CCDC88C: variants seen among roughly 807,000 people sequenced by gnomAD.
CCDC88C encodes protein Daple.
In CCDC88C, 131 loss-of-function variants were observed where a neutral mutation model predicts 198.8. The ratio of observed to expected loss-of-function variants is 0.66; its 90% CI spans 0.57 to 0.76. The LOEUF (loss-of-function observed/expected upper bound fraction) is 0.76. Ranked by LOEUF, CCDC88C falls within the 30% of genes least tolerant of loss-of-function variation. The pLI is 0.00. For synonymous variants in CCDC88C, 1,166 were observed against 1,114.7 expected (o/e 1.05, Z -0.92); for missense variants, 2,553 against 2,631.6 (o/e 0.97, Z 0.65).
chr14:91,330,411 G>C (rs1892769304), intron 10 of CCDC88C, among the ~76,000 whole-genome samples: 1 of 152,316 alleles, frequency 6.6e-6, no homozygotes, highest in South Asian at 2.1e-4. Context: ...AGGAGCCATG[G>C]AGAGTGGCTG....
chr14:91,293,406 G>T (rs1890797465), intron 23 of CCDC88C, among the ~76,000 whole-genome samples: 1 of 7,316 alleles, frequency 1.4e-4, no homozygotes, highest in Non-Finnish European at 2.2e-4. Flanking sequence ...CCACCTTCCT[G>T]CCCCCTCACC....
intron 3 of CCDC88C, among the ~76,000 whole-genome samples, chr14:91,372,451 C>T (rs192189986): frequency 0.015 from 2,164 of 146,354 alleles, 16 homozygotes; most frequent in Non-Finnish European, 0.022. Flanking sequence ...TCCAGAAAAG[C>T]TCCAAGAAGG....
At chr14:91,357,945 C>T (rs925651421) in intron 4 of CCDC88C, among the ~76,000 whole-genome samples, 74 of 152,212 alleles carry the variant, frequency 4.9e-4, no homozygotes, top group African/African-American at 1.5e-3. Flanking sequence ...CGCTTGCTGC[C>T]GGGGGCCACC....
Position 91,416,836 on chromosome 14 carries a change from C to T in CCDC88C, c.63G>A (p.Val21=). ...LFLQSPLVTW[V]KTFGPFGSGS... ...CGCTTCCAAACGGGCCAAAAGTTTT[C>T]ACCTGCGGGGAGGGGGACGAGGAGA... is the stretch of plus-strand genomic sequence containing the variant. Residue 21 remains valine, a splice_region_variant and synonymous_variant, in exon 2 of 30, where the codon GTG becomes GTA. Coordinates refer to ENST00000389857, the MANE Select transcript of CCDC88C (RefSeq NM_001080414.4). 1 of 1,611,016 alleles carries T rather than the reference C, an allele frequency of 6.2e-7. No homozygotes were observed. Among genetic ancestry groups the T allele is most frequent in the Non-Finnish European group, 8.5e-7 (1 of 1,177,974 alleles).
rs566637072 is a variant in CCDC88C at position 91,310,897 on chromosome 14, A to G, written c.2737-911T>C. On this transcript the variant is annotated intron_variant, in intron 15 of 29. Transcript: ENST00000389857. Reference sequence around the variant, plus strand: ...AGACCTGAACGGCACTGTGACAGAGACAGTGATGCTCATTACCTGCTCCCC... The same window carrying G: ...AGACCTGAACGGCACTGTGACAGAGGCAGTGATGCTCATTACCTGCTCCCC... 7.9e-5 allele frequency among the ~76,000 whole-genome samples: 12 copies of G among 152,270 alleles called. No individual in the cohort carries two copies. The East Asian group carries it at 2.3e-3, about 29-fold the overall frequency.
chr14:91,278,459 G>T (rs1459113942), intron 28 of CCDC88C, among the ~76,000 whole-genome samples: 8 of 152,238 alleles, frequency 5.3e-5, no homozygotes, highest in Non-Finnish European at 1.0e-4. Context: ...ATTACTGGCT[G>T]TAAGGCACTG....
chr14:91,357,990 T>A (rs1894119618), intron 4 of CCDC88C, among the ~76,000 whole-genome samples: 2 of 152,174 alleles, frequency 1.3e-5, no homozygotes, highest in African/African-American at 2.4e-5. Context: ...AGGGTCTCCA[T>A]GTAAGGCGGT....
intron 3 of CCDC88C, among the ~76,000 whole-genome samples, chr14:91,393,382 G>T (rs1885646793): frequency 6.6e-6 from 1 of 152,200 alleles, no homozygotes. Context: ...TGAGGCAGAG[G>T]CAACCTGAGC....
chr14:91,290,906 G>T, intron 24 of CCDC88C, 89 bp downstream of exon 24: 1 of 766,168 alleles, frequency 1.3e-6, no homozygotes. Flanking sequence ...ATGGTGCGGG[G>T]CCTGCCCTAG....
chr14:91,307,677 G>A (rs564849829), intron 17 of CCDC88C, among the ~76,000 whole-genome samples: 6 of 152,362 alleles, frequency 3.9e-5, no homozygotes, highest in African/African-American at 1.2e-4. Context: ...GGAAGAGTGC[G>A]TGTGTGGAAG....
chr14:91,385,126 T>C (rs1273972550), intron 3 of CCDC88C, among the ~76,000 whole-genome samples: 1 of 152,076 alleles, frequency 6.6e-6, no homozygotes, highest in African/African-American at 2.4e-5. Context: ...GTAGTTTTAC[T>C]TTGAGGTTTG....
Position 91,400,914 on chromosome 14 carries a change from G to A in CCDC88C, c.270+7745C>T, listed in dbSNP as rs562801110. ...TAAGAACATTTGTTGAATGACTTAT[G>A]TACCAAGTATGTTCACAGTGGTATG... On this transcript the variant is annotated intron_variant, in intron 3 of 29. Transcript: ENST00000389857. 5.8e-4 allele frequency among the ~76,000 whole-genome samples: 89 copies of A among 152,206 alleles called. 1 individual carries two copies. In the South Asian group the frequency reaches 0.017, roughly 29 times the overall value.
At chr14:91,372,389 G>C (rs921771690) in intron 3 of CCDC88C, among the ~76,000 whole-genome samples, 5 of 151,912 alleles carry the variant, frequency 3.3e-5, no homozygotes, top group Admixed American at 3.3e-4. Context: ...CCCTAACAGA[G>C]GGATGGCAGG....
At position 91,388,459 on chromosome 14, in the gene CCDC88C, C is replaced by T. The variant is rs75959185; in HGVS notation, c.270+20200G>A. Among the ~76,000 whole-genome samples the T allele has an allele frequency of 1.0e-2, 1,515 of 152,230 alleles. 32 individuals are homozygous for T. Among genetic ancestry groups the T allele is most frequent in the African/African-American group, 0.035 (1,459 of 41,526 alleles). On this transcript the variant is annotated intron_variant, in intron 3 of 29. Transcript: ENST00000389857. The stretch of plus-strand genomic sequence containing the variant: ...CAAGGCCCAGGCAGGTACCAGGTAG[C>T]GCCTGTTCTGGAAACGTCCAGGGCT...
At chr14:91,328,277 A>T (rs938368712) in intron 10 of CCDC88C, among the ~76,000 whole-genome samples, 8 of 152,204 alleles carry the variant, frequency 5.3e-5, no homozygotes, top group Non-Finnish European at 1.2e-4. Context: ...TCCACTATAC[A>T]TAAGGTAACA....
chr14:91,273,346 G>T lies in CCDC88C; in HGVS notation c.5366C>A (p.Pro1789Gln). 6.5e-7 allele frequency: 1 copy of T among 1,541,978 alleles called. No individual in the cohort carries two copies. ...LGRPRQAPVP[P>Q]ASHAPASRSA... ...GCGGCTGGCAGGTGCATGGGAAGCTGGGGGCACCGGAGCCTGCCGGGGTCT... is the reference window on the plus strand; with the variant it reads ...GCGGCTGGCAGGTGCATGGGAAGCTTGGGGCACCGGAGCCTGCCGGGGTCT... The change falls in exon 30 of 30, where the codon CCA becomes CAA. Residue 1789 changes from proline (P) to glutamine (Q), a missense_variant. By Grantham distance (76) the Pro-to-Gln change is moderately conservative (BLOSUM62 -1). This residue lies in a region of CCDC88C where 1,293 missense variants were observed against 1,219.6 expected (regional missense o/e 1.06). Coordinates refer to ENST00000389857, the MANE Select transcript of CCDC88C (RefSeq NM_001080414.4). This position sits in a 1 kb window ranked among gnomAD's most constrained non-coding sequence, Gnocchi z 5.6.
At chr14:91,379,904 G>A (rs1306816983) in intron 3 of CCDC88C, 1 of 703,046 alleles carries the variant, frequency 1.4e-6, no homozygotes, top group Admixed American at 2.0e-5. Context: ...AGGATGAGAA[G>A]ATTTTACTAA....
In CCDC88C at chr14:91,284,140, CA is replaced by C. The variant is rs1201507934; in HGVS notation, c.4442-624del. Among the ~76,000 whole-genome samples, 2 of 152,132 alleles carry C rather than the reference CA, an allele frequency of 1.3e-5. No homozygotes were observed. The highest frequency in any genetic ancestry group is 4.8e-5 in the African/African-American group (2 of 41,418). ...AAAATTAAATAAAAACATATAAAAT[CA>C]TAAAAGAAAAACAGCCCATAAAACC... On this transcript the variant is annotated intron_variant, in intron 25 of 29. Coordinates refer to ENST00000389857, the MANE Select transcript of CCDC88C (RefSeq NM_001080414.4). The surrounding 1 kb of genome is among the most constrained non-coding windows in gnomAD (Gnocchi z 4.1).
chr14:91,394,545 T>G (rs1885721833), intron 3 of CCDC88C, among the ~76,000 whole-genome samples: 1 of 152,238 alleles, frequency 6.6e-6, no homozygotes, highest in Non-Finnish European at 1.5e-5. Context: ...TGTAATGACT[T>G]ATTCTCTGAA....
Sources: allele counts gnomAD v4.1 joint callset (sites outside exome capture counted in the v4.1 genomes callset), GRCh38; gene constraint gnomAD v4.1.1; regional missense constraint gnomAD v4.1.1; non-coding constraint Gnocchi (gnomAD v3.1); transcripts MANE v1.5; gene names NCBI Gene and HGNC (gene_info 2026-07-23, HGNC 2026-07-21).